Variants in DSCAM observed in about 807,000 individuals in gnomAD.
The protein encoded by DSCAM is DS cell adhesion molecule.
In DSCAM, 47 loss-of-function variants were observed where a neutral mutation model predicts 217.7. The ratio of observed to expected loss-of-function variants is 0.22; its 90% CI spans 0.17 to 0.28. The LOEUF (loss-of-function observed/expected upper bound fraction) is 0.28, where lower values mean the gene tolerates loss of function less well. DSCAM is among the 10% of genes least tolerant of loss of function. DSCAM has a pLI of 1.00. For synonymous variants in DSCAM, 1,056 were observed against 1,015.3 expected, an observed-to-expected ratio of 1.04 and a Z score of -0.76; for missense variants, 2,080 against 2,618.3, an observed-to-expected ratio of 0.79 and a Z score of 4.49.
chr21:40,582,525 G>A (rs1188668568), intron 3 of DSCAM, among the ~76,000 whole-genome samples: 1 of 152,114 alleles, frequency 6.6e-6, no homozygotes, highest in African/African-American at 2.4e-5. Flanking sequence ...AGTAAACATA[G>A]CTTTTGTAAC....
Position 40,508,756 on chromosome 21 carries a change from TATA to T in DSCAM, c.509-139514_509-139512del, listed in dbSNP as rs2076231310. On this transcript the variant is annotated intron_variant, in intron 3 of 32. Coordinates refer to ENST00000400454, the MANE Select transcript of DSCAM (RefSeq NM_001389.5). ...GCAAATATATATATATATATATATA[TATA>T]TATATATATATATATATATATATAT... 4.7e-5 allele frequency among the ~76,000 whole-genome samples: 2 copies of T among 42,470 alleles called. 1 individual carries two copies. The highest frequency in any genetic ancestry group is 2.0e-4 in the African/African-American group (2 of 10,046). 27.9% of individuals were successfully genotyped at this position (42,470 alleles called of 152,430 possible).
At chr21:40,398,125 T>C (rs1424951911) in intron 3 of DSCAM, among the ~76,000 whole-genome samples, 5 of 152,182 alleles carry the variant, frequency 3.3e-5, no homozygotes, top group African/African-American at 1.2e-4. Context: ...CTTACCTAAA[T>C]TCCCTGGTCC....
intron 1 of DSCAM, among the ~76,000 whole-genome samples, chr21:40,797,333 G>A (rs141465172): frequency 1.0e-3 from 159 of 152,296 alleles, no homozygotes; most frequent in African/African-American, 3.7e-3. Context: ...GTAATTCAAT[G>A]TCATGGTCTC....
At chr21:40,738,429 T>C (rs10854405) in intron 1 of DSCAM, among the ~76,000 whole-genome samples, 60,093 of 151,948 alleles carry the variant, frequency 0.4, 12,748 homozygotes, top group East Asian at 0.47. Flanking sequence ...TTGTAACAAA[T>C]AAACCCCAGA....
chr21:40,846,619 C>A lies in DSCAM; in HGVS notation c.43G>T (p.Val15Phe). Residue 15 changes from valine to phenylalanine, a missense_variant and splice_region_variant, in exon 1 of 33, where the codon GTT (valine) becomes TTT (phenylalanine). This residue lies in a region of DSCAM where 568 missense variants were observed against 678.1 expected (regional missense o/e 0.84). Coordinates refer to ENST00000400454, the MANE Select transcript of DSCAM (RefSeq NM_001389.5). The part of the protein sequence containing the change: ...ALSLFQSFAN[V>F]FSEDLHSSLY... ...ATTCATCACAAACCGAAAGGCTCAC[C>A]ATTCGCGAAGCTCTGGAACAAGGAG... 2 of 1,352,786 alleles carry A rather than the reference C, an allele frequency of 1.5e-6. No individual in the cohort carries two copies. Among genetic ancestry groups the A allele is most frequent in the Non-Finnish European group, 9.5e-7 (1 of 1,047,612 alleles). 83.8% of individuals were successfully genotyped at this position (1,352,786 alleles called of 1,614,324 possible).
intron 28 of DSCAM, among the ~76,000 whole-genome samples, chr21:40,062,208 G>C (rs529726661): frequency 1.3e-4 from 20 of 152,338 alleles, no homozygotes; most frequent in African/African-American, 4.8e-4. Context: ...CTGTGGACGT[G>C]TGAAAGGAAA....
chr21:40,815,611 A>G (rs1248639477), intron 1 of DSCAM, among the ~76,000 whole-genome samples: 1 of 152,168 alleles, frequency 6.6e-6, no homozygotes, highest in Non-Finnish European at 1.5e-5. Flanking sequence ...GAAGTGTCAC[A>G]CACACCCAGG....
At chr21:40,690,585 T>A (rs2090528211) in intron 3 of DSCAM, among the ~76,000 whole-genome samples, 1 of 152,190 alleles carries the variant, frequency 6.6e-6, no homozygotes, top group South Asian at 2.1e-4. Flanking sequence ...AGTATCTGAC[T>A]GAGGAGAGGA....
At chr21:40,215,993 G>A (rs1033601465) in intron 11 of DSCAM, among the ~76,000 whole-genome samples, 1 of 150,744 alleles carries the variant, frequency 6.6e-6, no homozygotes, top group Non-Finnish European at 1.5e-5. Flanking sequence ...CTATGGGAAG[G>A]ACCCAGTTAT....
intron 11 of DSCAM, among the ~76,000 whole-genome samples, chr21:40,225,545 C>G (rs1226619910): frequency 6.6e-6 from 1 of 152,110 alleles, no homozygotes; most frequent in Non-Finnish European, 1.5e-5. Flanking sequence ...TCTCCTCCAC[C>G]CTTCTTTGTG....
At chr21:40,096,223 C>A (rs78564079) in intron 20 of DSCAM, among the ~76,000 whole-genome samples, 1 of 152,084 alleles carries the variant, frequency 6.6e-6, no homozygotes, top group Non-Finnish European at 1.5e-5. Flanking sequence ...TCCTCACGAG[C>A]CCCCTCCCCA....
At chr21:40,487,273 C>G (rs7410043) in intron 3 of DSCAM, among the ~76,000 whole-genome samples, 3,545 of 150,600 alleles carry the variant, frequency 0.024, 118 homozygotes, top group African/African-American at 0.079. Flanking sequence ...CTCTCTCTCT[C>G]TGTGTGTGTG....
intron 3 of DSCAM, among the ~76,000 whole-genome samples, chr21:40,594,272 G>A (rs1340822142): frequency 6.6e-6 from 1 of 152,192 alleles, no homozygotes; most frequent in Admixed American, 6.5e-5. Context: ...CTGGACATGT[G>A]TGGCTGGTGG....
intron 3 of DSCAM, among the ~76,000 whole-genome samples, chr21:40,489,563 A>G (rs1315976014): frequency 2.0e-5 from 3 of 151,978 alleles, no homozygotes; most frequent in Non-Finnish European, 2.9e-5. Flanking sequence ...TCACGAGGTC[A>G]GGAGATCGAG....
intron 10 of DSCAM, among the ~76,000 whole-genome samples, chr21:40,292,560 A>C (rs2073906538): frequency 1.3e-5 from 2 of 152,158 alleles, no homozygotes; most frequent in African/African-American, 4.8e-5. Context: ...CACTACTGCA[A>C]ACTGAGGTGA....
intron 1 of DSCAM, among the ~76,000 whole-genome samples, chr21:40,780,447 A>C (rs180845381): frequency 3.2e-4 from 45 of 141,548 alleles, no homozygotes; most frequent in Admixed American, 9.4e-4. Flanking sequence ...ATATATATAT[A>C]TCTCCTGTTA....
At chr21:40,487,213 CCTCT>C (rs1447685419) in intron 3 of DSCAM, among the ~76,000 whole-genome samples, 2 of 150,656 alleles carry the variant, frequency 1.3e-5, no homozygotes, top group Non-Finnish European at 3.0e-5. Context: ...GCACTTTCTC[CCTCT>C]CTCTATAACC....
intron 3 of DSCAM, among the ~76,000 whole-genome samples, chr21:40,548,504 A>AC (rs1491588782): frequency 1.3e-4 from 8 of 61,230 alleles, no homozygotes; most frequent in Admixed American, 6.4e-4. Flanking sequence ...ATAAACCAGT[A>AC]AAAAAAAAAA....
chr21:40,407,239 A>G (rs1442609173), intron 3 of DSCAM, among the ~76,000 whole-genome samples: 4 of 152,210 alleles, frequency 2.6e-5, no homozygotes, highest in Admixed American at 6.5e-5. Context: ...TCCACATTGT[A>G]TATATATTTC....
Sources: allele counts gnomAD v4.1 joint callset (sites outside exome capture counted in the v4.1 genomes callset), GRCh38; gene constraint gnomAD v4.1.1; regional missense constraint gnomAD v4.1.1; transcripts MANE v1.5; gene names NCBI Gene and HGNC (gene_info 2026-07-23, HGNC 2026-07-21).